The following ATP8A2 variants were observed in gnomAD, a reference collection of about 807,000 sequenced individuals.
The protein encoded by ATP8A2 is phospholipid-transporting ATPase IB.
A neutral mutation model predicts 165.6 loss-of-function variants in ATP8A2; 100 were observed. The observed-to-expected ratio is 0.60, with a 90% CI of 0.51 to 0.71. The LOEUF (loss-of-function observed/expected upper bound fraction) is 0.71, where lower values mean the gene tolerates loss of function less well. Among genes scored for constraint, ATP8A2 ranks in the 30% least tolerant of loss-of-function variants. The probability of loss-of-function intolerance (pLI) is 0.00; values close to 1 mark genes in which losing one functional copy is unlikely to be tolerated. For missense variants in ATP8A2, 1,227 were observed against 1,479.5 expected (o/e 0.83, Z 2.80); for synonymous variants, 543 against 548.8 (o/e 0.99, Z 0.15).
intron 25 of ATP8A2, among the ~76,000 whole-genome samples, chr13:25,723,233 A>G (rs1029466882): frequency 6.6e-6 from 1 of 152,230 alleles, no homozygotes; most frequent in Non-Finnish European, 1.5e-5. Context: ...TAACTTCACT[A>G]AATAATGCAA....
At chr13:25,480,375 C>T (rs1217995540) in intron 2 of ATP8A2, among the ~76,000 whole-genome samples, 2 of 151,490 alleles carry the variant, frequency 1.3e-5, no homozygotes, top group East Asian at 3.9e-4. Flanking sequence ...GGCTGCCGGG[C>T]GGAGGGGCTC....
chr13:25,483,420 G>T (rs561765618), intron 2 of ATP8A2, among the ~76,000 whole-genome samples: 4 of 152,188 alleles, frequency 2.6e-5, no homozygotes, highest in Non-Finnish European at 4.4e-5. Context: ...CATGTAGGGG[G>T]TGATCTCTGT....
At chr13:25,726,775 C>T (rs2043503256) in intron 25 of ATP8A2, among the ~76,000 whole-genome samples, 1 of 152,140 alleles carries the variant, frequency 6.6e-6, no homozygotes, top group African/African-American at 2.4e-5. Context: ...GGCTGTTATT[C>T]AGCCTACTAC....
intron 15 of ATP8A2, among the ~76,000 whole-genome samples, chr13:25,561,741 C>A (rs947870939): frequency 6.6e-6 from 1 of 152,196 alleles, no homozygotes; most frequent in Non-Finnish European, 1.5e-5. Context: ...AGAACTTTTT[C>A]ATCTGAAACC....
rs192793267 is a variant in ATP8A2, at chr13:25,973,451, A to G, written c.3377+4772A>G. 9.9e-4 allele frequency among the ~76,000 whole-genome samples: 151 copies of G among 152,172 alleles called. 2 individuals carry two copies. The highest frequency in any genetic ancestry group is 3.5e-3 in the African/African-American group (144 of 41,514). ...GACAGGTGGCCTGGGATCCTAATGG[A>G]GCTCTCTCTGCCGAAAAATAGGAAC... On this transcript the variant is annotated intron_variant, in intron 35 of 36. Coordinates refer to ENST00000381655, the MANE Select transcript of ATP8A2 (RefSeq NM_016529.6).
At chr13:25,938,415 A>G (rs1333451933) in intron 33 of ATP8A2, among the ~76,000 whole-genome samples, 2 of 152,246 alleles carry the variant, frequency 1.3e-5, no homozygotes, top group Admixed American at 1.3e-4. Flanking sequence ...GAAAAACTGT[A>G]CAGACCAAAG....
At chr13:25,922,115 G>A (rs991048724) in intron 33 of ATP8A2, among the ~76,000 whole-genome samples, 2 of 152,148 alleles carry the variant, frequency 1.3e-5, no homozygotes, top group South Asian at 2.1e-4. Context: ...TAAGGACGTG[G>A]AATTGTACCA....
chr13:25,936,857 ACT>A (rs1391724930), intron 33 of ATP8A2, among the ~76,000 whole-genome samples: 2 of 152,094 alleles, frequency 1.3e-5, no homozygotes, highest in Admixed American at 1.3e-4. Context: ...TGTCCAAGAC[ACT>A]CTCAGAGGTC....
At chr13:25,429,168 G>A (rs2034533679) in intron 1 of ATP8A2, among the ~76,000 whole-genome samples, 1 of 152,062 alleles carries the variant, frequency 6.6e-6, no homozygotes, top group Non-Finnish European at 1.5e-5. Context: ...ACGTGTTTGA[G>A]ACCAGGCTGG....
chr13:26,016,365 C>T (rs1192417936), intron 36 of ATP8A2, among the ~76,000 whole-genome samples: 1 of 152,126 alleles, frequency 6.6e-6, no homozygotes, highest in African/African-American at 2.4e-5. Context: ...AAAGGGAAAC[C>T]TCGAAACCCT....
chr13:25,617,255 A>G (rs2040850032), intron 24 of ATP8A2, among the ~76,000 whole-genome samples: 1 of 152,222 alleles, frequency 6.6e-6, no homozygotes, highest in Non-Finnish European at 1.5e-5. Context: ...TCATACAGTT[A>G]TTATTTAATG....
chr13:25,380,722 A>G (rs549030108), intron 1 of ATP8A2, among the ~76,000 whole-genome samples: 1 of 152,300 alleles, frequency 6.6e-6, no homozygotes, highest in South Asian at 2.1e-4. Flanking sequence ...TTGATTATTT[A>G]TGGAATTGCA....
intron 35 of ATP8A2, among the ~76,000 whole-genome samples, chr13:25,997,043 T>G (rs1956526047): frequency 6.6e-6 from 1 of 152,228 alleles, no homozygotes; most frequent in Non-Finnish European, 1.5e-5. Flanking sequence ...GTTCTTGAAC[T>G]CCTGACCTCA....
At chr13:25,672,667 C>G (rs905688063) in intron 24 of ATP8A2, among the ~76,000 whole-genome samples, 11 of 152,216 alleles carry the variant, frequency 7.2e-5, no homozygotes, top group African/African-American at 2.2e-4. Context: ...GAAGCTGCCT[C>G]TGCTGGTTGC....
At position 25,379,125 on chromosome 13, in the gene ATP8A2, C is replaced by T. The variant is rs767040280; in HGVS notation, c.76+6837C>T. Reference sequence around the variant, plus strand: ...AATTTTGATTCAGAGGTTTTGCATTCAGAAGTAAGTGTTCCTGTCTTGTGT... The same window carrying T: ...AATTTTGATTCAGAGGTTTTGCATTTAGAAGTAAGTGTTCCTGTCTTGTGT... On this transcript the variant is annotated intron_variant, in intron 1 of 36. Coordinates refer to ENST00000381655, the MANE Select transcript of ATP8A2 (RefSeq NM_016529.6). Among the ~76,000 whole-genome samples, 19 of 152,246 alleles carry T rather than the reference C, an allele frequency of 1.2e-4. No homozygotes were observed. In the East Asian group the frequency reaches 3.5e-3, roughly 28 times the overall value.
intron 1 of ATP8A2, among the ~76,000 whole-genome samples, chr13:25,445,792 C>A (rs941576502): frequency 3.3e-5 from 5 of 151,894 alleles, no homozygotes; most frequent in Non-Finnish European, 7.4e-5. Flanking sequence ...GGTGGATTAG[C>A]GAAGACCAAG....
chr13:25,945,430 C>A (rs1445441977), intron 33 of ATP8A2, among the ~76,000 whole-genome samples: 1 of 152,158 alleles, frequency 6.6e-6, no homozygotes, highest in African/African-American at 2.4e-5. Flanking sequence ...AGAAAGAAAT[C>A]AACATTAAAA....
chr13:25,878,165 CAAG>C (rs1447228949), intron 33 of ATP8A2, among the ~76,000 whole-genome samples: 3 of 152,228 alleles, frequency 2.0e-5, no homozygotes, highest in East Asian at 3.9e-4. Flanking sequence ...GAATGGAAGA[CAAG>C]AAGGAGGGGA....
intron 35 of ATP8A2, among the ~76,000 whole-genome samples, chr13:25,969,649 A>G (rs933120731): frequency 5.9e-5 from 9 of 152,256 alleles, no homozygotes; most frequent in African/African-American, 1.9e-4. Context: ...CTTTCAAAAT[A>G]CAATTTCAAA....
Sources: allele counts gnomAD v4.1 joint callset (sites outside exome capture counted in the v4.1 genomes callset), GRCh38; gene constraint gnomAD v4.1.1; transcripts MANE v1.5; gene names NCBI Gene and HGNC (gene_info 2026-07-23, HGNC 2026-07-21).